The following MYOM2 variants were observed in gnomAD, a reference collection of about 807,000 sequenced individuals.
MYOM2 encodes myomesin 2.
In MYOM2, 254 loss-of-function variants were observed where a neutral mutation model predicts 187.6. The observed-to-expected ratio is 1.35, with a 90% CI of 1.22 to 1.50. The LOEUF (loss-of-function observed/expected upper bound fraction) is 1.50. Ranked by LOEUF, MYOM2 falls within the 40% of genes most tolerant of loss-of-function variation. MYOM2 has a pLI of 0.00. For synonymous variants in MYOM2, 981 were observed against 753.8 expected (o/e 1.30, Z -4.94); for missense variants, 2,796 against 1,924.0 (o/e 1.45, Z -8.48).
At chr8:2,070,400 G>A (rs1360125753) in intron 8 of MYOM2, among the ~76,000 whole-genome samples, 1 of 152,220 alleles carries the variant, frequency 6.6e-6, no homozygotes, top group African/African-American at 2.4e-5. Flanking sequence ...CGATTTCTGT[G>A]TGACTTTTTT....
At position 2,145,090 on chromosome 8, in the gene MYOM2, G is replaced by C. The variant is rs1196350062; in HGVS notation, c.*109G>C. On this transcript the variant is annotated 3_prime_UTR_variant, in exon 37 of 37. Coordinates refer to ENST00000262113, the MANE Select transcript of MYOM2 (RefSeq NM_003970.4). Reference sequence around the variant, plus strand: ...ATCCGAGTGGTGTCCTGTGTGGGCTGATAGTTGATCACACATTGTGCTTTT... The same window carrying C: ...ATCCGAGTGGTGTCCTGTGTGGGCTCATAGTTGATCACACATTGTGCTTTT... 1.7e-6 allele frequency: 2 copies of C among 1,182,932 alleles called. No individual in the cohort carries two copies. The highest frequency in any genetic ancestry group is 2.6e-5 in the Admixed American group (1 of 38,138). 73.3% of individuals were successfully genotyped at this position (1,182,932 alleles called of 1,614,324 possible). A position where few individuals can be genotyped will look rare whatever the true frequency, so the allele number is the denominator to read the frequency against.
intron 28 of MYOM2, among the ~76,000 whole-genome samples, chr8:2,122,869 C>T (rs971565122): frequency 6.6e-6 from 1 of 152,170 alleles, no homozygotes; most frequent in Non-Finnish European, 1.5e-5. Context: ...CAGCTGCCAA[C>T]CAGCTTTACA....
chr8:2,138,309 G>C (rs3779821), intron 32 of MYOM2, among the ~76,000 whole-genome samples: 115,348 of 152,146 alleles, frequency 0.76, 44,425 homozygotes, highest in African/African-American at 0.9. Flanking sequence ...CATCGCTTCT[G>C]CTTCCCTCTC....
chr8:2,102,184 T>G (rs902410469), intron 20 of MYOM2: 1 of 152,628 alleles, frequency 6.6e-6, no homozygotes, highest in Non-Finnish European at 1.5e-5. Flanking sequence ...CTTCTAAGAA[T>G]CAGCTACATA....
chr8:2,104,659 G>C (rs1411518276), intron 21 of MYOM2, among the ~76,000 whole-genome samples: 1 of 152,044 alleles, frequency 6.6e-6, no homozygotes, highest in Non-Finnish European at 1.5e-5. Flanking sequence ...GAGGCGGGAA[G>C]TCTAAGAAGC....
intron 8 of MYOM2, among the ~76,000 whole-genome samples, chr8:2,070,928 G>A (rs924941042): frequency 3.3e-5 from 5 of 152,060 alleles, no homozygotes; most frequent in African/African-American, 7.2e-5. Flanking sequence ...CTCCCACACC[G>A]TCCTGGCATT....
rs1336899383 is a variant in MYOM2, at chr8:2,119,352, G to A, written c.3453+1400G>A. 5 of 152,490 alleles carry A rather than the reference G, an allele frequency of 3.3e-5. No homozygotes were observed. The South Asian group carries it at 1.0e-3, about 32-fold the overall frequency. 9.4% of individuals were successfully genotyped at this position (152,490 alleles called of 1,614,324 possible). On this transcript the variant is annotated intron_variant, in intron 28 of 36. Coordinates refer to ENST00000262113, the MANE Select transcript of MYOM2 (RefSeq NM_003970.4). The stretch of plus-strand genomic sequence containing the variant: ...AGAGGAGAAGAGGAGACCAGCTCCA[G>A]GATTATTAAGCAGAAACCCTCAGAG...
intron 28 of MYOM2, among the ~76,000 whole-genome samples, chr8:2,122,413 C>T (rs1013246300): frequency 6.6e-6 from 1 of 152,228 alleles, no homozygotes; most frequent in African/African-American, 2.4e-5. Context: ...GACGAAACCC[C>T]TGCTTCACAG....
intron 19 of MYOM2, among the ~76,000 whole-genome samples, chr8:2,099,782 C>G (rs1796619266): frequency 6.6e-6 from 1 of 152,184 alleles, no homozygotes; most frequent in African/African-American, 2.4e-5. Context: ...TGTCTCTAAC[C>G]TATCAGGAAT....
At chr8:2,059,309 A>T in intron 6 of MYOM2, 64 bp downstream of exon 6, 1 of 1,482,744 alleles carries the variant, frequency 6.7e-7, no homozygotes. Context: ...ACCCCAAAGA[A>T]GAAGTCAGAT....
chr8:2,124,394 T>C (rs574408488), intron 31 of MYOM2, among the ~76,000 whole-genome samples, 177 bp downstream of exon 31: 4 of 152,296 alleles, frequency 2.6e-5, no homozygotes, highest in African/African-American at 9.6e-5. Context: ...TTTAAAGGAC[T>C]TCCCTCAGTT....
intron 21 of MYOM2, among the ~76,000 whole-genome samples, chr8:2,103,453 G>T (rs1198142056): frequency 6.6e-6 from 1 of 151,162 alleles, no homozygotes; most frequent in Non-Finnish European, 1.5e-5. Flanking sequence ...GGGAGAGTGT[G>T]CATGTGTTAT....
chr8:2,104,648 G>A (rs945693750), intron 21 of MYOM2, among the ~76,000 whole-genome samples: 17 of 152,012 alleles, frequency 1.1e-4, no homozygotes, highest in African/African-American at 3.4e-4. Context: ...TCATGATTCT[G>A]GAGGCGGGAA....
At chr8:2,116,828 GCTCACTGCAAGCTCCGC>G (rs1797261890) in intron 27 of MYOM2, among the ~76,000 whole-genome samples, 1 of 152,112 alleles carries the variant, frequency 6.6e-6, no homozygotes, top group Admixed American at 6.6e-5. Context: ...TGCCATCTTG[GCTCACTGCAAGCTCCGC>G]CTCCCGGGTT....
chr8:2,106,935 G>A (rs1271357685), intron 23 of MYOM2, among the ~76,000 whole-genome samples: 1 of 152,130 alleles, frequency 6.6e-6, no homozygotes, highest in African/African-American at 2.4e-5. Flanking sequence ...AGACCTACGG[G>A]TGGAAGAGTC....
At chr8:2,090,447 T>G (rs756300332) in intron 15 of MYOM2, among the ~76,000 whole-genome samples, 4 of 152,230 alleles carry the variant, frequency 2.6e-5, no homozygotes, top group Admixed American at 6.5e-5. Context: ...AACGGTCACT[T>G]TTATTGTTTT....
chr8:2,142,534 A>G (rs1798308574), intron 35 of MYOM2, 137 bp downstream of exon 35: 2 of 843,510 alleles, frequency 2.4e-6, no homozygotes, highest in Non-Finnish European at 4.1e-6. Context: ...CGCCACCAAC[A>G]CCACACCCTG....
chr8:2,114,386 C>T (rs1797168093), intron 25 of MYOM2, among the ~76,000 whole-genome samples: 1 of 152,218 alleles, frequency 6.6e-6, no homozygotes, highest in Non-Finnish European at 1.5e-5. Context: ...ATCTTAGCAA[C>T]AAGACAGCTG....
chr8:2,099,008 C>T (rs770886502), intron 19 of MYOM2, 25 bp downstream of exon 19: 31 of 1,579,124 alleles, frequency 2.0e-5, no homozygotes, highest in Middle Eastern at 2.0e-4. Context: ...CCAGGACACC[C>T]GCGTTCCAGC....
Sources: gnomAD v4.1 joint callset for allele counts (sites outside exome capture counted in the v4.1 genomes callset) on GRCh38, gnomAD v4.1.1 for gene constraint, MANE v1.5 for transcripts, NCBI Gene and HGNC (gene_info 2026-07-23, HGNC 2026-07-21) for gene names.